The following RAI14 variants were observed in gnomAD, a reference collection of about 807,000 sequenced individuals.
RAI14 encodes the protein retinoic acid induced 14.
A neutral mutation model predicts 115.4 loss-of-function variants in RAI14; 45 were observed. The ratio of observed to expected loss-of-function variants is 0.39; its 90% CI spans 0.31 to 0.50. The LOEUF is 0.50. Among genes scored for constraint, RAI14 ranks in the 20% least tolerant of loss-of-function variants. The pLI is 0.85. For missense variants in RAI14, 939 were observed against 1,131.2 expected, an observed-to-expected ratio of 0.83 and a Z score of 2.44; for synonymous variants, 371 against 415.4, an observed-to-expected ratio of 0.89 and a Z score of 1.30.
At chr5:34,701,088 G>A (rs372522548) in intron 2 of RAI14, among the ~76,000 whole-genome samples, 33 of 152,112 alleles carry the variant, frequency 2.2e-4, no homozygotes, top group African/African-American at 6.3e-4. Context: ...TATTGAGGAC[G>A]AAACTCTGAT....
intron 17 of RAI14, 88 bp downstream of exon 17, chr5:34,829,885 A>G: frequency 4.6e-6 from 5 of 1,089,172 alleles, no homozygotes; most frequent in Non-Finnish European, 6.8e-6. Flanking sequence ...AACTAGGAGA[A>G]TGAACAAGAA....
intron 8 of RAI14, 152 bp from the exon 9 acceptor site, chr5:34,811,615 A>T: frequency 1.6e-6 from 1 of 614,382 alleles, no homozygotes; most frequent in Non-Finnish European, 2.7e-6. Flanking sequence ...TTTCATCTTG[A>T]TTGCATTCCA....
At chr5:34,783,904 A>G (rs1397340545) in intron 3 of RAI14, among the ~76,000 whole-genome samples, 1 of 152,248 alleles carries the variant, frequency 6.6e-6, no homozygotes, top group African/African-American at 2.4e-5. Flanking sequence ...TAACACAGGC[A>G]GAAGACTCTC....
chr5:34,751,781 T>A (rs891142868), intron 2 of RAI14, among the ~76,000 whole-genome samples: 1 of 152,244 alleles, frequency 6.6e-6, no homozygotes, highest in South Asian at 2.1e-4. Context: ...GACCAATATT[T>A]ACTCAGCTTT....
chr5:34,706,936 G>T (rs552665135), intron 2 of RAI14, among the ~76,000 whole-genome samples: 1 of 152,154 alleles, frequency 6.6e-6, no homozygotes, highest in Non-Finnish European at 1.5e-5. Flanking sequence ...TGCAGCTCTT[G>T]CCCTACCCCG....
chr5:34,736,973 G>A (rs1744953834), intron 2 of RAI14, among the ~76,000 whole-genome samples: 2 of 152,302 alleles, frequency 1.3e-5, no homozygotes, highest in South Asian at 4.1e-4. Flanking sequence ...TATCACCTGA[G>A]CTCTGCCTCC....
intron 2 of RAI14, among the ~76,000 whole-genome samples, chr5:34,698,020 CT>C (rs1211690391): frequency 6.6e-6 from 1 of 151,180 alleles, no homozygotes; most frequent in Non-Finnish European, 1.5e-5. Context: ...TGATTCTTTT[CT>C]CCCAGTGTTG....
chr5:34,719,670 C>G (rs1268595628), intron 2 of RAI14, among the ~76,000 whole-genome samples: 1 of 152,166 alleles, frequency 6.6e-6, no homozygotes, highest in African/African-American at 2.4e-5. Flanking sequence ...TGAACTCTGT[C>G]CCAGGGCACG....
chr5:34,750,524 C>T (rs368348423), intron 2 of RAI14, among the ~76,000 whole-genome samples: 12 of 152,080 alleles, frequency 7.9e-5, no homozygotes, highest in South Asian at 6.2e-4. Flanking sequence ...CGTTCGAAGG[C>T]GTTTGACCTG....
intron 14 of RAI14, 95 bp downstream of exon 14, chr5:34,821,945 A>T: frequency 1.6e-6 from 1 of 631,290 alleles, no homozygotes; most frequent in Non-Finnish European, 2.7e-6. Context: ...TGTGTACATT[A>T]GTTTCTTTTT....
chr5:34,698,834 C>T (rs1739670425), intron 2 of RAI14, among the ~76,000 whole-genome samples: 1 of 152,048 alleles, frequency 6.6e-6, no homozygotes, highest in South Asian at 2.1e-4. Context: ...AGACCGTAAC[C>T]AGAAAAGGGG....
rs542701965 is a variant in RAI14, at chr5:34,693,114, C to T, written c.36+6159C>T. 1.1e-3 allele frequency among the ~76,000 whole-genome samples: 173 copies of T among 152,198 alleles called. 2 individuals are homozygous for T. Among genetic ancestry groups the T allele is most frequent in the East Asian group, 2.9e-3 (15 of 5,182 alleles). ...ACGCCACTCATACTGGATTAGGGCT[C>T]GCTATAATGACCTCATTTTAGCTTG... On this transcript the variant is annotated intron_variant, in intron 2 of 17. Transcript: ENST00000265109.
chr5:34,682,184 G>A (rs1485103171), intron 1 of RAI14, among the ~76,000 whole-genome samples: 5 of 151,944 alleles, frequency 3.3e-5, no homozygotes, highest in Admixed American at 2.6e-4. Context: ...CCTAAAGAGT[G>A]GAGAATGTAA....
chr5:34,666,260 C>A (rs1376844663), intron 1 of RAI14, among the ~76,000 whole-genome samples: 1 of 151,976 alleles, frequency 6.6e-6, no homozygotes, highest in Non-Finnish European at 1.5e-5. Context: ...CCCAGGCAAC[C>A]CCTGACAGTA....
chr5:34,796,093 T>A (rs1753496322), intron 4 of RAI14, 66 bp downstream of exon 4: 5 of 1,308,968 alleles, frequency 3.8e-6, no homozygotes, highest in Non-Finnish European at 5.5e-6. Context: ...AAGTAATACA[T>A]ATTCATTATG....
At chr5:34,810,292 A>G (rs1490552091) in intron 7 of RAI14, among the ~76,000 whole-genome samples, 1 of 152,182 alleles carries the variant, frequency 6.6e-6, no homozygotes, top group Non-Finnish European at 1.5e-5. Context: ...GTCAGACCTA[A>G]GATTACAAAA....
At chr5:34,736,994 G>A (rs2150037029) in intron 2 of RAI14, among the ~76,000 whole-genome samples, 1 of 152,276 alleles carries the variant, frequency 6.6e-6, no homozygotes, top group Admixed American at 6.5e-5. Flanking sequence ...TGTCGGATGA[G>A]TGGCAACATT....
intron 2 of RAI14, among the ~76,000 whole-genome samples, chr5:34,735,914 G>C (rs1744811300): frequency 6.6e-6 from 1 of 152,210 alleles, no homozygotes; most frequent in African/African-American, 2.4e-5. Context: ...GGTACTCATA[G>C]GACCTCACAG....
chr5:34,718,529 A>G (rs946668837), intron 2 of RAI14, among the ~76,000 whole-genome samples: 3 of 152,256 alleles, frequency 2.0e-5, no homozygotes, highest in Non-Finnish European at 4.4e-5. Context: ...TATTACACAC[A>G]ATGGTGCTCA....
Sources: allele counts gnomAD v4.1 joint callset (sites outside exome capture counted in the v4.1 genomes callset), GRCh38; gene constraint gnomAD v4.1.1; transcripts MANE v1.5; gene names NCBI Gene and HGNC (gene_info 2026-07-23, HGNC 2026-07-21).